Variants in DSCAM observed in about 807,000 individuals in gnomAD.
The protein encoded by DSCAM is DS cell adhesion molecule.
DSCAM carries 47 observed loss-of-function variants against 217.7 expected under a neutral mutation model. That is an observed-to-expected ratio of 0.22 (90% CI 0.17 to 0.28). DSCAM has a LOEUF of 0.28. Among genes scored for constraint, DSCAM ranks in the 10% least tolerant of loss-of-function variants. The pLI is 1.00. For synonymous variants in DSCAM, 1,056 were observed against 1,015.3 expected, an observed-to-expected ratio of 1.04 and a Z score of -0.76; for missense variants, 2,080 against 2,618.3, an observed-to-expected ratio of 0.79 and a Z score of 4.49.
intron 3 of DSCAM, among the ~76,000 whole-genome samples, chr21:40,672,789 TTC>T (rs1470808942): frequency 6.6e-6 from 1 of 152,122 alleles, no homozygotes; most frequent in Non-Finnish European, 1.5e-5. Flanking sequence ...ATGACTGTCT[TTC>T]TCTCACCCCC....
chr21:40,127,577 C>A (rs2090108634), intron 19 of DSCAM, among the ~76,000 whole-genome samples: 1 of 152,186 alleles, frequency 6.6e-6, no homozygotes, highest in Admixed American at 6.5e-5. Flanking sequence ...CCTGGACATC[C>A]CTTCTGAGCT....
intron 3 of DSCAM, among the ~76,000 whole-genome samples, chr21:40,625,927 C>T (rs569752968): frequency 1.3e-5 from 2 of 152,268 alleles, no homozygotes; most frequent in Admixed American, 1.3e-4. Flanking sequence ...GTCTAGCAGG[C>T]TCTTTTTGAA....
At chr21:40,637,983 C>A (rs1045652402) in intron 3 of DSCAM, among the ~76,000 whole-genome samples, 1 of 151,852 alleles carries the variant, frequency 6.6e-6, no homozygotes, top group African/African-American at 2.4e-5. Flanking sequence ...CATGCCCGGC[C>A]CCCATTTTAT....
At chr21:40,713,437 A>G (rs1338144220) in intron 1 of DSCAM, among the ~76,000 whole-genome samples, 1 of 152,222 alleles carries the variant, frequency 6.6e-6, no homozygotes, top group Non-Finnish European at 1.5e-5. Context: ...TAGTAAAACC[A>G]AGAAGGTTAA....
At chr21:40,803,147 TTCC>T (rs1393073516) in intron 1 of DSCAM, among the ~76,000 whole-genome samples, 1 of 152,250 alleles carries the variant, frequency 6.6e-6, no homozygotes, top group Non-Finnish European at 1.5e-5. Context: ...CTAAATTTCT[TTCC>T]TCAAGTCTCC....
intron 3 of DSCAM, 134 bp downstream of exon 3, chr21:40,692,676 C>T: frequency 2.7e-6 from 3 of 1,130,722 alleles, no homozygotes; most frequent in Non-Finnish European, 3.7e-6. Flanking sequence ...GGTTTACTTA[C>T]AAAATAGCAT....
At chr21:40,136,583 A>G (rs1337644112) in intron 18 of DSCAM, among the ~76,000 whole-genome samples, 2 of 152,204 alleles carry the variant, frequency 1.3e-5, no homozygotes, top group African/African-American at 2.4e-5. Context: ...AAGATCACAC[A>G]CGTACCTCCC....
chr21:40,030,493 C>T (rs1199629218), intron 32 of DSCAM, among the ~76,000 whole-genome samples: 1 of 152,122 alleles, frequency 6.6e-6, no homozygotes, highest in African/African-American at 2.4e-5. Context: ...CTGCAAAGAT[C>T]CTTCTGGTGG....
intron 3 of DSCAM, among the ~76,000 whole-genome samples, chr21:40,498,328 A>C (rs183885601): frequency 6.6e-6 from 1 of 152,150 alleles, no homozygotes; most frequent in Admixed American, 6.5e-5. Flanking sequence ...AAAAATGGGA[A>C]TACGCCACAC....
rs544683378 is a variant in DSCAM, at chr21:40,487,695, G to A, written c.509-118450C>T. Among the ~76,000 whole-genome samples, 323 of 152,258 alleles carry A rather than the reference G, an allele frequency of 2.1e-3. 1 individual carries two copies. Among genetic ancestry groups the A allele is most frequent in the African/African-American group, 7.2e-3 (300 of 41,562 alleles). On this transcript the variant is annotated intron_variant, in intron 3 of 32. Coordinates refer to ENST00000400454, the MANE Select transcript of DSCAM (RefSeq NM_001389.5). ...TGAGAAAGTTAATAATCTTAGAGAC[G>A]GAACCAGGGGAGAGGCAGTGAAGAT...
At position 40,369,272 on chromosome 21, in the gene DSCAM, G is replaced by A. The variant is rs943626514; in HGVS notation, c.509-27C>T. The A allele has an allele frequency of 9.4e-6, 15 of 1,590,342 alleles. No homozygotes were observed. In the African/African-American group the frequency reaches 1.9e-4, roughly 20 times the overall value. ...TGAAATAGAGGAAAACAGTGGCTTG[G>A]TTAAAAGACAATGAAAGCAACCCAA... On this transcript the variant is annotated intron_variant, in intron 3 of 32. Coordinates refer to ENST00000400454, the MANE Select transcript of DSCAM (RefSeq NM_001389.5).
intron 11 of DSCAM, among the ~76,000 whole-genome samples, chr21:40,225,567 C>A (rs2091325177): frequency 1.3e-5 from 2 of 152,138 alleles, no homozygotes; most frequent in Admixed American, 1.3e-4. Context: ...GTGGACTCAA[C>A]AGTGCCCTCC....
chr21:40,140,822 G>A (rs1430747737), intron 18 of DSCAM, among the ~76,000 whole-genome samples: 1 of 151,954 alleles, frequency 6.6e-6, no homozygotes, highest in Non-Finnish European at 1.5e-5. Context: ...CATCTCCCTC[G>A]GTCACTGGTC....
intron 11 of DSCAM, among the ~76,000 whole-genome samples, chr21:40,250,371 G>T (rs1340057988): frequency 6.6e-6 from 1 of 152,212 alleles, no homozygotes; most frequent in African/African-American, 2.4e-5. Flanking sequence ...GTTGTATCAA[G>T]ACAGGAAGAC....
chr21:40,053,445 G>A (rs1380013096), intron 29 of DSCAM, among the ~76,000 whole-genome samples: 7 of 152,164 alleles, frequency 4.6e-5, no homozygotes, highest in African/African-American at 7.2e-5. Context: ...ATTAATGATG[G>A]GATATGTCAC....
At chr21:40,484,026 G>A (rs754934536) in intron 3 of DSCAM, among the ~76,000 whole-genome samples, 3 of 152,084 alleles carry the variant, frequency 2.0e-5, no homozygotes, top group Non-Finnish European at 4.4e-5. Context: ...TTAATTCTAC[G>A]GGGCAGGATG....
intron 11 of DSCAM, among the ~76,000 whole-genome samples, chr21:40,215,318 G>T (rs1395240671): frequency 6.9e-6 from 1 of 144,340 alleles, no homozygotes; most frequent in East Asian, 2.0e-4. Context: ...TAAAGAAAAT[G>T]TGGTTCATAC....
At chr21:40,656,687 T>G (rs1388102416) in intron 3 of DSCAM, among the ~76,000 whole-genome samples, 1 of 152,250 alleles carries the variant, frequency 6.6e-6, no homozygotes, top group East Asian at 1.9e-4. Context: ...TCTTCCTCGC[T>G]GTCTTTGATG....
intron 1 of DSCAM, among the ~76,000 whole-genome samples, chr21:40,720,721 G>A (rs1209201647): frequency 6.6e-6 from 1 of 151,896 alleles, no homozygotes; most frequent in Non-Finnish European, 1.5e-5. Flanking sequence ...GACCTTATGA[G>A]TGGCCCAGCT....
Sources: allele counts gnomAD v4.1 joint callset (sites outside exome capture counted in the v4.1 genomes callset), GRCh38; gene constraint gnomAD v4.1.1; transcripts MANE v1.5; gene names NCBI Gene and HGNC (gene_info 2026-07-23, HGNC 2026-07-21).